Variants in NDUFS4 observed in about 807,000 individuals in gnomAD.
NDUFS4 encodes NADH dehydrogenase [ubiquinone] iron-sulfur protein 4, mitochondrial.
NDUFS4 carries 28 observed loss-of-function variants against 24.3 expected under a neutral mutation model. The ratio of observed to expected loss-of-function variants is 1.15; its 90% confidence interval spans 0.85 to 1.58. NDUFS4 has a LOEUF of 1.58. Ranked by LOEUF, NDUFS4 falls within the 40% of genes most tolerant of loss-of-function variation. The pLI, the probability that NDUFS4 is intolerant of heterozygous loss-of-function variation, is 0.00. For synonymous variants in NDUFS4, 93 were observed against 69.7 expected, an observed-to-expected ratio of 1.34 and a Z score of -1.67; for missense variants, 223 against 207.9, an observed-to-expected ratio of 1.07 and a Z score of -0.45.
At chr5:53,584,502 G>A (rs1316142403) in intron 1 of NDUFS4, among the ~76,000 whole-genome samples, 1 of 151,108 alleles carries the variant, frequency 6.6e-6, no homozygotes, top group Non-Finnish European at 1.5e-5. Flanking sequence ...ACCATGCCCG[G>A]CTAATTTTTG....
rs256115 is a variant in NDUFS4, at chr5:53,664,265, C to G, written c.424+5641C>G. Among the ~76,000 whole-genome samples, 9 of 152,082 alleles carry G rather than the reference C, an allele frequency of 5.9e-5. No individual in the cohort carries two copies. The East Asian group carries it at 1.6e-3, about 26-fold the overall frequency. On this transcript the variant is annotated intron_variant, in intron 4 of 4. Coordinates refer to ENST00000296684, the MANE Select transcript of NDUFS4 (RefSeq NM_002495.4). Reference sequence around the variant, plus strand: ...CTTTCTCTCTTGCTGCCGTTAACATCTTTTCCTTCATTTCAACTTTGGTGA... The same window carrying G: ...CTTTCTCTCTTGCTGCCGTTAACATGTTTTCCTTCATTTCAACTTTGGTGA...
intron 2 of NDUFS4, among the ~76,000 whole-genome samples, chr5:53,644,681 A>G (rs999004791): frequency 6.6e-6 from 1 of 152,116 alleles, no homozygotes; most frequent in Non-Finnish European, 1.5e-5. Context: ...ACTCATTTTT[A>G]CTTTAAACTA....
chr5:53,629,328 TGTG>T (rs1388078529), intron 2 of NDUFS4, among the ~76,000 whole-genome samples: 4 of 152,304 alleles, frequency 2.6e-5, no homozygotes, highest in African/African-American at 9.6e-5. Context: ...ATAAGTGCGA[TGTG>T]GTGCTGAGAA....
chr5:53,600,331 A>G (rs1347869526), intron 1 of NDUFS4, among the ~76,000 whole-genome samples: 1 of 140,762 alleles, frequency 7.1e-6, no homozygotes, highest in Non-Finnish European at 1.5e-5. Context: ...ATTTTTTGAG[A>G]CAGTGTCTCA....
chr5:53,631,531 A>G lies in NDUFS4; in HGVS notation c.178-14702A>G, dbSNP rs151186357. Among the ~76,000 whole-genome samples the G allele has an allele frequency of 2.0e-3, 309 of 152,146 alleles. 1 individual carries two copies. Among genetic ancestry groups the G allele is most frequent in the African/African-American group, 7.0e-3 (292 of 41,512 alleles). Reference sequence around the variant, plus strand: ...TCTGTCCCAGGGGAATCTGGGATTTATTTGTAAGTCCCTGACTGGGGCTGC... The same window carrying G: ...TCTGTCCCAGGGGAATCTGGGATTTGTTTGTAAGTCCCTGACTGGGGCTGC... On this transcript the variant is annotated intron_variant, in intron 2 of 4. Coordinates refer to ENST00000296684, the MANE Select transcript of NDUFS4 (RefSeq NM_002495.4).
intron 3 of NDUFS4, among the ~76,000 whole-genome samples, chr5:53,648,573 G>A (rs1205290787): frequency 6.6e-6 from 1 of 152,188 alleles, no homozygotes; most frequent in Non-Finnish European, 1.5e-5. Context: ...TCCTGGTGGT[G>A]CCTGCATCTG....
chr5:53,584,570 C>G (rs1485484748), intron 1 of NDUFS4, among the ~76,000 whole-genome samples: 1 of 151,930 alleles, frequency 6.6e-6, no homozygotes, highest in African/African-American at 2.4e-5. Context: ...GAACTCCCGA[C>G]CTCAGGTGAT....
At chr5:53,679,403 C>T (rs1740578278) in intron 4 of NDUFS4, among the ~76,000 whole-genome samples, 1 of 152,098 alleles carries the variant, frequency 6.6e-6, no homozygotes, top group African/African-American at 2.4e-5. Flanking sequence ...TGTCATGATA[C>T]TTCTATTTAT....
chr5:53,598,500 CTG>C (rs1441289952), intron 1 of NDUFS4, among the ~76,000 whole-genome samples: 8 of 152,094 alleles, frequency 5.3e-5, no homozygotes, highest in African/African-American at 1.7e-4. Flanking sequence ...ATCAAATAGA[CTG>C]TCATCACTAG....
intron 2 of NDUFS4, among the ~76,000 whole-genome samples, chr5:53,645,167 CGTTA>C (rs1433988499): frequency 6.6e-6 from 1 of 152,158 alleles, no homozygotes; most frequent in Non-Finnish European, 1.5e-5. Context: ...CCAAAATTTA[CGTTA>C]GTAAGTGAAC....
intron 1 of NDUFS4, among the ~76,000 whole-genome samples, chr5:53,598,566 T>C (rs973588945): frequency 2.0e-5 from 3 of 152,116 alleles, no homozygotes; most frequent in Admixed American, 6.5e-5. Flanking sequence ...AAATAAAATA[T>C]AAAGGCAGAG....
intron 4 of NDUFS4, among the ~76,000 whole-genome samples, chr5:53,660,647 C>G (rs958978772): frequency 6.6e-6 from 1 of 152,108 alleles, no homozygotes; most frequent in Admixed American, 6.6e-5. Context: ...TTCTCCACAT[C>G]CTCTCCAGCA....
chr5:53,647,873 A>C (rs1751911787), intron 3 of NDUFS4, among the ~76,000 whole-genome samples: 1 of 152,310 alleles, frequency 6.6e-6, no homozygotes, highest in Non-Finnish European at 1.5e-5. Context: ...AAATAGAATT[A>C]TATTTTATTA....
intron 2 of NDUFS4, among the ~76,000 whole-genome samples, chr5:53,635,651 T>G (rs1297327418): frequency 6.6e-6 from 1 of 152,238 alleles, no homozygotes; most frequent in Non-Finnish European, 1.5e-5. Context: ...AAAAATGTAT[T>G]AGTTTAATAA....
intron 3 of NDUFS4, among the ~76,000 whole-genome samples, chr5:53,654,372 CTG>C (rs1752102870): frequency 6.6e-6 from 1 of 152,036 alleles, no homozygotes; most frequent in African/African-American, 2.4e-5. Context: ...TCCACCCAAT[CTG>C]TGGAATTGGC....
In NDUFS4 at chr5:53,683,304, CTT is replaced by C; in HGVS notation, c.*84_*85del. The C allele has an allele frequency of 1.0e-6, 1 of 962,352 alleles. No individual in the cohort carries two copies. Among genetic ancestry groups the C allele is most frequent in the Non-Finnish European group, 1.7e-6 (1 of 595,780 alleles). 59.6% of individuals were successfully genotyped at this position (962,352 alleles called of 1,614,324 possible). ...TAGTCCATGTATAATAAATACATCT[CTT>C]AATCTCCTAATAAATTGGACCTTTA... On this transcript the variant is annotated 3_prime_UTR_variant, in exon 5 of 5. Coordinates refer to ENST00000296684, the MANE Select transcript of NDUFS4 (RefSeq NM_002495.4).
chr5:53,585,393 C>G (rs1749715235), intron 1 of NDUFS4, among the ~76,000 whole-genome samples: 1 of 152,032 alleles, frequency 6.6e-6, no homozygotes, highest in Non-Finnish European at 1.5e-5. Flanking sequence ...AGTATGAGGG[C>G]CTGTAAAAGC....
chr5:53,680,662 A>G (rs1183137410), intron 4 of NDUFS4, among the ~76,000 whole-genome samples: 1 of 149,986 alleles, frequency 6.7e-6, no homozygotes, highest in Non-Finnish European at 1.5e-5. Flanking sequence ...ACATGGACAC[A>G]GGAAGGGGAA....
chr5:53,613,602 G>GTTT (rs141354354), intron 2 of NDUFS4, among the ~76,000 whole-genome samples: 1 of 133,006 alleles, frequency 7.5e-6, no homozygotes, highest in African/African-American at 2.7e-5. Context: ...AGCAACTATA[G>GTTT]TTTTTTTTTT....
Sources: gnomAD v4.1 joint callset for allele counts (sites outside exome capture counted in the v4.1 genomes callset) on GRCh38, gnomAD v4.1.1 for gene constraint, MANE v1.5 for transcripts, NCBI Gene and HGNC (gene_info 2026-07-23, HGNC 2026-07-21) for gene names.